The following TENM4 variants were observed in gnomAD, a reference collection of about 807,000 sequenced individuals.
TENM4 encodes the protein teneurin-4.
A neutral mutation model predicts 243.3 loss-of-function variants in TENM4; 82 were observed. The ratio of observed to expected loss-of-function variants is 0.34; its 90% confidence interval spans 0.28 to 0.40. The LOEUF (loss-of-function observed/expected upper bound fraction) is 0.40. Ranked by LOEUF, TENM4 falls within the 10% of genes least tolerant of loss-of-function variation. The pLI is 1.00. For missense variants in TENM4, 3,138 were observed against 3,673.3 expected (o/e 0.85, Z 3.77); for synonymous variants, 1,412 against 1,456.3 (o/e 0.97, Z 0.69).
intron 18 of TENM4, among the ~76,000 whole-genome samples, chr11:78,768,990 C>T (rs546133944): frequency 8.5e-5 from 13 of 152,266 alleles, no homozygotes; most frequent in African/African-American, 2.2e-4. Flanking sequence ...GTATGTATAC[C>T]GGTAGGGAGA....
At chr11:79,161,598 C>T (rs563590695) in intron 3 of TENM4, among the ~76,000 whole-genome samples, 8 of 152,228 alleles carry the variant, frequency 5.3e-5, no homozygotes, top group African/African-American at 1.9e-4. Flanking sequence ...CTGACAGCCG[C>T]CATAGCTAGG....
intron 9 of TENM4, among the ~76,000 whole-genome samples, chr11:78,876,926 C>T (rs890674298): frequency 2.0e-5 from 3 of 152,228 alleles, no homozygotes; most frequent in Admixed American, 6.5e-5. Flanking sequence ...TGGAAAGCTG[C>T]GTTTACTCCA....
intron 15 of TENM4, among the ~76,000 whole-genome samples, chr11:78,789,069 C>A (rs566794888): frequency 1.7e-3 from 252 of 152,230 alleles, no homozygotes; most frequent in Non-Finnish European, 2.8e-3. Flanking sequence ...GACTAGGAAC[C>A]CGAGGCTGGT....
chr11:78,997,347 G>A lies in TENM4; in HGVS notation c.493+67391C>T, dbSNP rs541178639. Among the ~76,000 whole-genome samples, 74 of 152,262 alleles carry A rather than the reference G, an allele frequency of 4.9e-4. No individual in the cohort carries two copies. The Middle Eastern group carries it at 0.01, about 21-fold the overall frequency. On this transcript the variant is annotated intron_variant, in intron 6 of 33. Transcript: ENST00000278550. Reference sequence around the variant, plus strand: ...AAAGTTTACATATGTCCTTGTTTTGGCACAGAAGATAATACTCTGATTTGA... The same window carrying A: ...AAAGTTTACATATGTCCTTGTTTTGACACAGAAGATAATACTCTGATTTGA...
At position 79,440,223 on chromosome 11, in the gene TENM4, C is replaced by G. The variant is rs74527207; in HGVS notation, c.-321+286G>C. On this transcript the variant is annotated intron_variant, in intron 1 of 33. Coordinates refer to ENST00000278550, the MANE Select transcript of TENM4 (RefSeq NM_001098816.3). This position sits in a 1 kb window ranked among gnomAD's most constrained non-coding sequence, Gnocchi z 4.7. The stretch of plus-strand genomic sequence containing the variant: ...CGCCGCCTCCCTCCCACCCGCTTCC[C>G]ACCTCCCTGCCCTCCCCCAACCCTT... 2.3e-3 allele frequency among the ~76,000 whole-genome samples: 352 copies of G among 152,184 alleles called. No individual in the cohort carries two copies. The highest frequency in any genetic ancestry group is 7.9e-3 in the African/African-American group (330 of 41,558).
chr11:79,231,056 A>G (rs1043205504), intron 2 of TENM4, among the ~76,000 whole-genome samples: 21 of 152,360 alleles, frequency 1.4e-4, no homozygotes, highest in African/African-American at 3.8e-4. Context: ...TGCTGATTCT[A>G]TAACTTAACA....
At chr11:78,723,542 C>T (rs1420780139) in intron 23 of TENM4, among the ~76,000 whole-genome samples, 1 of 152,258 alleles carries the variant, frequency 6.6e-6, no homozygotes, top group East Asian at 1.9e-4. Context: ...TATTAATGGG[C>T]TGATCCCAGC....
intron 1 of TENM4, among the ~76,000 whole-genome samples, chr11:79,368,108 C>A (rs1014166902): frequency 2.6e-5 from 4 of 152,132 alleles, no homozygotes; most frequent in African/African-American, 9.7e-5. Context: ...CAGAGTCCCA[C>A]CCCAAGACTA....
intron 1 of TENM4, among the ~76,000 whole-genome samples, chr11:79,421,914 C>G (rs1357423613): frequency 6.6e-6 from 1 of 152,056 alleles, no homozygotes; most frequent in Non-Finnish European, 1.5e-5. Context: ...AATCATCACC[C>G]CCTTCAATGA....
At chr11:79,011,834 C>T (rs1023844917) in intron 6 of TENM4, among the ~76,000 whole-genome samples, 1 of 152,200 alleles carries the variant, frequency 6.6e-6, no homozygotes, top group African/African-American at 2.4e-5. Context: ...TTAGGGGAGC[C>T]TGCCCATCTC....
At chr11:78,835,597 T>C (rs1435794770) in intron 12 of TENM4, among the ~76,000 whole-genome samples, 4 of 152,216 alleles carry the variant, frequency 2.6e-5, no homozygotes. Flanking sequence ...TCATCCTCCT[T>C]TTCTGGCTCT....
chr11:79,350,651 G>T (rs934268141), intron 1 of TENM4, among the ~76,000 whole-genome samples: 1 of 150,898 alleles, frequency 6.6e-6, no homozygotes, highest in Non-Finnish European at 1.5e-5. Context: ...TGTCACCCAG[G>T]CTGGTCTCGA....
intron 22 of TENM4, 93 bp downstream of exon 22, chr11:78,729,283 T>A (rs1855595357): frequency 7.3e-7 from 1 of 1,366,940 alleles, no homozygotes; most frequent in Non-Finnish European, 9.8e-7. Flanking sequence ...ATTTTTGATC[T>A]GAGAAGAGGA....
chr11:79,184,562 G>A lies in TENM4; in HGVS notation c.-163+31246C>T, dbSNP rs188299897. Among the ~76,000 whole-genome samples, 4 of 151,676 alleles carry A rather than the reference G, an allele frequency of 2.6e-5. No individual in the cohort carries two copies. In the East Asian group the frequency reaches 5.8e-4, roughly 22 times the overall value. Reference sequence around the variant, plus strand: ...GTAGGGGTGTGGGGGTGGAGGTTAGGGGGGGTGGGAACTCCTAACCCAGGG... The same window carrying A: ...GTAGGGGTGTGGGGGTGGAGGTTAGAGGGGGTGGGAACTCCTAACCCAGGG... On this transcript the variant is annotated intron_variant, in intron 3 of 33. Transcript: ENST00000278550.
intron 2 of TENM4, among the ~76,000 whole-genome samples, chr11:79,263,280 G>A (rs961645285): frequency 6.6e-6 from 1 of 152,222 alleles, no homozygotes; most frequent in Non-Finnish European, 1.5e-5. Flanking sequence ...GCTGGGCTGA[G>A]AAGAAGGAAG....
intron 4 of TENM4, among the ~76,000 whole-genome samples, chr11:79,106,879 T>A (rs1861383598): frequency 6.6e-6 from 1 of 152,216 alleles, no homozygotes; most frequent in East Asian, 1.9e-4. Context: ...AAGAACAGCA[T>A]GAATATTTTG....
At chr11:79,065,090 C>A in intron 5 of TENM4, 83 bp from the exon 6 acceptor site, 2 of 1,417,318 alleles carry the variant, frequency 1.4e-6, no homozygotes, top group Non-Finnish European at 1.8e-6. Context: ...GCCTTCTTAC[C>A]CCAGGGCTCA....
chr11:79,104,467 T>G (rs2137086543), intron 4 of TENM4, among the ~76,000 whole-genome samples: 1 of 152,364 alleles, frequency 6.6e-6, no homozygotes, highest in Non-Finnish European at 1.5e-5. Flanking sequence ...CTATTTAGAC[T>G]GCTTTCTAAT....
chr11:79,045,610 C>T lies in TENM4; in HGVS notation c.493+19128G>A, dbSNP rs375828232. On this transcript the variant is annotated intron_variant, in intron 6 of 33. Coordinates refer to ENST00000278550, the MANE Select transcript of TENM4 (RefSeq NM_001098816.3). ...TACTGGAGCTCAGGCTGCAGAGGAG[C>T]CCGGCTTGGAGGCAGGCAGCCACGG... Among the ~76,000 whole-genome samples the T allele has an allele frequency of 1.4e-4, 22 of 152,244 alleles. No homozygotes were observed. The East Asian group carries it at 1.7e-3, about 12-fold the overall frequency.
Sources: gnomAD v4.1 joint callset for allele counts (sites outside exome capture counted in the v4.1 genomes callset) on GRCh38, gnomAD v4.1.1 for gene constraint, Gnocchi (gnomAD v3.1) non-coding constraint, MANE v1.5 for transcripts, NCBI Gene and HGNC (gene_info 2026-07-23, HGNC 2026-07-21) for gene names.